Variants in NCEH1 observed in about 807,000 individuals in gnomAD.
NCEH1 encodes the protein 2-acetyl MAGE hydrolase.
Under a neutral mutation model 25.4 loss-of-function variants are expected in NCEH1, and 9 were observed. That is an observed-to-expected ratio of 0.35 (90% confidence interval 0.21 to 0.62). The LOEUF (loss-of-function observed/expected upper bound fraction) is 0.62. NCEH1 is among the 20% of genes least tolerant of loss of function. The probability of loss-of-function intolerance (pLI) is 0.72; values close to 1 mark genes in which losing one functional copy is unlikely to be tolerated. For synonymous variants in NCEH1, 200 were observed against 199.8 expected (o/e 1.00, Z -0.01); for missense variants, 412 against 501.1 (o/e 0.82, Z 1.70).
rs756845681 is a variant in NCEH1 at position 172,645,670 on chromosome 3, C to T, written c.390G>A (p.Leu130=). Residue 130 remains leucine, a synonymous_variant, in exon 3 of 5, where the codon CTG becomes CTA. Transcript: ENST00000475381. ...TCAATTCCTCAGCCATTGCTGTACA[C>T]AGCTCATCATAATACCTGATTTCTA... ...ASAKIRYYDE[L]CTAMAEELNA... 6.3e-7 allele frequency: 1 copy of T among 1,597,606 alleles called. No individual in the cohort carries two copies. The highest frequency in any genetic ancestry group is 1.1e-5 in the South Asian group (1 of 87,508).
In NCEH1 at chr3:172,701,007, T is replaced by G. The variant is rs75697040; in HGVS notation, c.138+9840A>C. 2.7e-3 allele frequency among the ~76,000 whole-genome samples: 405 copies of G among 152,308 alleles called. 5 individuals carry two copies. Among genetic ancestry groups the G allele is most frequent in the African/African-American group, 9.1e-3 (380 of 41,582 alleles). The stretch of plus-strand genomic sequence containing the variant: ...CCTCTTTTTCCACTTGCCACTGGTG[T>G]CCCTGAGGGGCACCCTTGGTAAAAT... On this transcript the variant is annotated intron_variant, in intron 1 of 4. Coordinates refer to ENST00000475381, the MANE Select transcript of NCEH1 (RefSeq NM_020792.6).
intron 1 of NCEH1, among the ~76,000 whole-genome samples, chr3:172,652,191 C>A (rs1717432777): frequency 6.6e-6 from 1 of 152,210 alleles, no homozygotes; most frequent in South Asian, 2.1e-4. Flanking sequence ...GAGCCCCAGG[C>A]TCCAGCTGGT....
intron 1 of NCEH1, among the ~76,000 whole-genome samples, chr3:172,667,876 C>A (rs1718298466): frequency 1.3e-5 from 2 of 152,186 alleles, no homozygotes; most frequent in South Asian, 4.1e-4. Context: ...ATCAACCCAG[C>A]TCTTTTAGCA....
chr3:172,679,184 C>A (rs1712202928), intron 1 of NCEH1, among the ~76,000 whole-genome samples: 1 of 152,122 alleles, frequency 6.6e-6, no homozygotes, highest in African/African-American at 2.4e-5. Flanking sequence ...GTAAAAACAC[C>A]TTTAAATAAG....
intron 1 of NCEH1, among the ~76,000 whole-genome samples, chr3:172,661,023 T>A (rs942539414): frequency 4.6e-5 from 7 of 152,206 alleles, no homozygotes; most frequent in Non-Finnish European, 1.0e-4. Context: ...TTGCTTTTGG[T>A]GTTTTAGTCA....
At chr3:172,686,099 G>A (rs1712680744) in intron 1 of NCEH1, among the ~76,000 whole-genome samples, 1 of 152,180 alleles carries the variant, frequency 6.6e-6, no homozygotes, top group African/African-American at 2.4e-5. Flanking sequence ...AGCAGGCGGT[G>A]AGAAATTTAC....
chr3:172,654,776 G>A (rs1298770701), intron 1 of NCEH1, among the ~76,000 whole-genome samples: 4 of 152,168 alleles, frequency 2.6e-5, no homozygotes. Flanking sequence ...TCAAAGGTTT[G>A]TATTCTATGT....
chr3:172,689,224 T>C (rs1389226474), intron 1 of NCEH1, among the ~76,000 whole-genome samples: 1 of 151,326 alleles, frequency 6.6e-6, no homozygotes, highest in East Asian at 1.9e-4. Flanking sequence ...GATATTCACA[T>C]GTACCTCATG....
chr3:172,645,609 CATTA>C lies in NCEH1; in HGVS notation c.437+10_437+13del, dbSNP rs1168742483. 6.4e-7 allele frequency: 1 copy of C among 1,551,094 alleles called. No individual in the cohort carries two copies. Among genetic ancestry groups the C allele is most frequent in the East Asian group, 2.3e-5 (1 of 44,056 alleles). ...TATAAGAAAAATTTTCTATGACTAG[CATTA>C]ATTACTTACTCAATGGAAACAATGA... On this transcript the variant is annotated intron_variant, in intron 3 of 4. Transcript: ENST00000475381.
intron 1 of NCEH1, among the ~76,000 whole-genome samples, chr3:172,656,453 T>C (rs1318699308): frequency 6.6e-6 from 1 of 152,198 alleles, no homozygotes; most frequent in East Asian, 1.9e-4. Flanking sequence ...ATGTCAGTTC[T>C]GTCTTTGTCC....
chr3:172,644,637 A>G (rs1203762142), intron 3 of NCEH1, among the ~76,000 whole-genome samples: 2 of 152,190 alleles, frequency 1.3e-5, no homozygotes, highest in African/African-American at 4.8e-5. Flanking sequence ...CAATTTCCTC[A>G]CTTATGAAAA....
At chr3:172,710,752 C>T in intron 1 of NCEH1, 95 bp downstream of exon 1, 1 of 1,443,918 alleles carries the variant, frequency 6.9e-7, no homozygotes, top group South Asian at 1.3e-5. Flanking sequence ...TAGGAAAAAC[C>T]TGCGTTTTCG....
intron 1 of NCEH1, among the ~76,000 whole-genome samples, chr3:172,653,760 G>GTTTTTTTT (rs780425751): frequency 3.7e-5 from 2 of 54,418 alleles, no homozygotes; most frequent in African/African-American, 1.1e-4. Context: ...TTGTTTTTTT[G>GTTTTTTTT]TTTTTTTTTT....
Position 172,710,927 on chromosome 3 carries a change from A to T in NCEH1, c.58T>A (p.Tyr20Asn). ...GACACGGAGCCAGGCAGCGGGATGT[A>T]GACGTAATAGGCGGCCAGCGCCACC... is the stretch of plus-strand genomic sequence containing the variant. Reference protein sequence around the residue: ...ALVALAAYYVYIPLPGSVSDP... With the variant: ...ALVALAAYYVNIPLPGSVSDP... Residue 20 changes from tyrosine to asparagine, a missense_variant, in exon 1 of 5, where the codon TAC becomes AAC. Transcript: ENST00000475381. 1 of 1,614,094 alleles carries T rather than the reference A, an allele frequency of 6.2e-7. No homozygotes were observed. The highest frequency in any genetic ancestry group is 2.2e-5 in the East Asian group (1 of 44,886).
intron 1 of NCEH1, among the ~76,000 whole-genome samples, chr3:172,689,905 A>ATTT (rs1339105855): frequency 2.8e-4 from 39 of 139,448 alleles, no homozygotes; most frequent in Non-Finnish European, 4.6e-4. Flanking sequence ...TATTTTATTT[A>ATTT]TTTATTTTTT....
intron 1 of NCEH1, among the ~76,000 whole-genome samples, chr3:172,676,178 G>A (rs1033626153): frequency 3.9e-5 from 6 of 152,122 alleles, no homozygotes; most frequent in African/African-American, 1.4e-4. Flanking sequence ...AGTTTTTTTA[G>A]GCAGAGAGAG....
At position 172,631,964 on chromosome 3, in the gene NCEH1, T is replaced by TC. The variant is rs1460044705; in HGVS notation, c.*1510dup. On this transcript the variant is annotated 3_prime_UTR_variant, in exon 5 of 5. Transcript: ENST00000475381. ...GAGTGTCTTGTTGTGTCAAAGATGT[T>TC]CCCACTGGCAGTGAAGACTTTACAT... 1 of 152,626 alleles carries TC rather than the reference T, an allele frequency of 6.6e-6. No individual in the cohort carries two copies. The highest frequency in any genetic ancestry group is 1.5e-5 in the Non-Finnish European group (1 of 68,040). 9.5% of individuals were successfully genotyped at this position (152,626 alleles called of 1,614,324 possible).
intron 1 of NCEH1, among the ~76,000 whole-genome samples, chr3:172,692,207 A>T (rs2108529668): frequency 6.6e-6 from 1 of 152,316 alleles, no homozygotes; most frequent in East Asian, 1.9e-4. Context: ...AGCAAGAAAG[A>T]CAGACTTAAA....
chr3:172,674,326 C>A (rs912344640), intron 1 of NCEH1, among the ~76,000 whole-genome samples: 2 of 151,838 alleles, frequency 1.3e-5, no homozygotes, highest in Non-Finnish European at 2.9e-5. Flanking sequence ...TGCCGTAATC[C>A]CAGCTACTCA....
Sources: gnomAD v4.1 joint callset for allele counts (sites outside exome capture counted in the v4.1 genomes callset) on GRCh38, gnomAD v4.1.1 for gene constraint, MANE v1.5 for transcripts, NCBI Gene and HGNC (gene_info 2026-07-23, HGNC 2026-07-21) for gene names.